ZPR1: variants seen among roughly 807,000 people sequenced by gnomAD.
The protein encoded by ZPR1 is zinc finger protein ZPR1.
Under a neutral mutation model 59.6 loss-of-function variants are expected in ZPR1, and 37 were observed. The observed-to-expected ratio is 0.62, with a 90% CI of 0.48 to 0.82. The LOEUF (loss-of-function observed/expected upper bound fraction) is 0.82, where lower values mean the gene tolerates loss of function less well. Ranked by LOEUF, ZPR1 falls within the 40% of genes least tolerant of loss-of-function variation. The pLI is 0.00. For missense variants in ZPR1, 527 were observed against 579.9 expected, an observed-to-expected ratio of 0.91 and a Z score of 0.94; for synonymous variants, 191 against 215.2, an observed-to-expected ratio of 0.89 and a Z score of 0.99.
Position 116,782,200 on chromosome 11 carries a change from T to G in ZPR1, c.1137A>C (p.Gly379=). Residue 379 remains glycine, a synonymous_variant, in exon 12 of 14, where the codon GGA becomes GGC. Coordinates refer to ENST00000227322, the MANE Select transcript of ZPR1 (RefSeq NM_003904.5). ...TAAACTCCTGTAGTCTCTCCGTCTG[T>G]CCAGGATTGGAACTGTCGCCCAGTG... ...PFTLGDSSNP[G]QTERLQEFSQ... is the part of the protein sequence containing the mutation. The G allele has an allele frequency of 6.2e-7, 1 of 1,614,164 alleles. No homozygotes were observed. The highest frequency in any genetic ancestry group is 8.5e-7 in the Non-Finnish European group (1 of 1,180,034).
Position 116,787,073 on chromosome 11 carries a change from A to G in ZPR1, c.334-14T>C, listed in dbSNP as rs1940899160. 1.2e-6 allele frequency: 2 copies of G among 1,608,354 alleles called. No individual in the cohort carries two copies. The highest frequency in any genetic ancestry group is 8.5e-7 in the Non-Finnish European group (1 of 1,174,690). On this transcript the variant is annotated splice_polypyrimidine_tract_variant and intron_variant, in intron 2 of 13. Coordinates refer to ENST00000227322, the MANE Select transcript of ZPR1 (RefSeq NM_003904.5). ...TCTGTTCATGTCCTGGGAAGAAAAG[A>G]ATACGTTCAGTACAAAGAGACTGCA...
chr11:116,782,320 G>A, intron 11 of ZPR1, 76 bp from the exon 12 acceptor site: 1 of 1,263,982 alleles, frequency 7.9e-7, no homozygotes, highest in African/African-American at 1.5e-5. Flanking sequence ...CTAGGCAGGG[G>A]GTGACAGTGG....
chr11:116,785,624 G>A lies in ZPR1; in HGVS notation c.595C>T (p.Pro199Ser). 6.2e-7 allele frequency: 1 copy of A among 1,614,028 alleles called. No homozygotes were observed. Among genetic ancestry groups the A allele is most frequent in the Non-Finnish European group, 8.5e-7 (1 of 1,180,034 alleles). The change falls in exon 6 of 14, where the codon CCC (proline) becomes TCC (serine). Residue 199 changes from proline to serine, a missense_variant. Transcript: ENST00000227322. Reference protein sequence around the residue: ...ASPFTLIIDDPSGNSFVENPH... With the variant: ...ASPFTLIIDDSSGNSFVENPH... The stretch of plus-strand genomic sequence containing the variant: ...TTTTCCACAAAACTGTTCCCTGAGG[G>A]ATCATCAATGATCTAACAAATGGGA...
chr11:116,779,667 G>T (rs1940774706), intron 13 of ZPR1, 105 bp downstream of exon 13: 1 of 823,542 alleles, frequency 1.2e-6, no homozygotes, highest in Non-Finnish European at 1.9e-6. Context: ...TTGGTAAAAA[G>T]CAGTCCATTT....
At chr11:116,787,785 C>T (rs1467019265) in intron 1 of ZPR1, 35 bp downstream of exon 1, 1 of 1,532,676 alleles carries the variant, frequency 6.5e-7, no homozygotes, top group Admixed American at 2.0e-5. Flanking sequence ...ACAAGCCCTA[C>T]CCACCCGCCG....
intron 13 of ZPR1, 35 bp downstream of exon 13, chr11:116,779,737 T>C: frequency 2.0e-6 from 3 of 1,471,768 alleles, no homozygotes; most frequent in Non-Finnish European, 2.8e-6. Context: ...TCAGAAAATG[T>C]ATCTCTATGA....
In ZPR1 at chr11:116,787,805, G is replaced by A; in HGVS notation, c.171+15C>T. On this transcript the variant is annotated intron_variant, in intron 1 of 13. Transcript: ENST00000227322. ...CCCTACCCACCCGCCGCTCGCGGCC[G>A]CGCCCCCGCCTCACATTGCAGTAAC... The A allele has an allele frequency of 3.2e-6, 5 of 1,545,006 alleles. No homozygotes were observed. The highest frequency in any genetic ancestry group is 4.4e-6 in the Non-Finnish European group (5 of 1,145,392).
intron 4 of ZPR1, 93 bp from the exon 5 acceptor site, chr11:116,785,975 C>A: frequency 9.3e-7 from 1 of 1,073,852 alleles, no homozygotes; most frequent in Middle Eastern, 2.0e-4. Flanking sequence ...AGGAAGTCAC[C>A]ACCTATCTCA....
At chr11:116,782,874 G>A (rs1461607751) in intron 11 of ZPR1, 45 bp downstream of exon 11, 1 of 1,506,332 alleles carries the variant, frequency 6.6e-7, no homozygotes, top group East Asian at 2.3e-5. Flanking sequence ...TCTTCACACA[G>A]CCAAATTGCT....
chr11:116,787,919 CG>C lies in ZPR1; in HGVS notation c.71del (p.Pro24ArgfsTer29), dbSNP rs1284711134. ...GGAACAGGTGATCAGGGGCAGGCGG[CG>C]GGGCCGGGGCGGGCGACGGGGCGAC... is the stretch of plus-strand genomic sequence containing the variant. ...AAVAPSPAPA[P>X]PPAPDHLFRP... On this transcript the variant is annotated frameshift_variant, in exon 1 of 14. Coordinates refer to ENST00000227322, the MANE Select transcript of ZPR1 (RefSeq NM_003904.5). LOFTEE classifies it high-confidence loss of function. The C allele has an allele frequency of 6.0e-6, 9 of 1,499,256 alleles. No individual in the cohort carries two copies. The highest frequency in any genetic ancestry group is 7.1e-6 in the Non-Finnish European group (8 of 1,130,962). 92.9% of individuals were successfully genotyped at this position (1,499,256 alleles called of 1,614,324 possible). A position where few individuals can be genotyped will look rare whatever the true frequency, so the allele number is the denominator to read the frequency against.
rs970999579 is a variant in ZPR1 at position 116,785,999 on chromosome 11, C to G, written c.496-117G>C. 3 of 860,654 alleles carry G rather than the reference C, an allele frequency of 3.5e-6. No homozygotes were observed. In the African/African-American group the frequency reaches 4.9e-5, roughly 14 times the overall value. The allele number at this position is 860,654 out of a possible 1,614,324, so 53.3% of individuals were successfully genotyped here. A position where few individuals can be genotyped will look rare whatever the true frequency, so the allele number is the denominator to read the frequency against. Reference sequence around the variant, plus strand: ...CCACCTATCTCAGTGTGAGTGGAAACAGAGTGACTCAGGCTTCACAATGAG... The same window carrying G: ...CCACCTATCTCAGTGTGAGTGGAAAGAGAGTGACTCAGGCTTCACAATGAG... On this transcript the variant is annotated intron_variant, in intron 4 of 13. Transcript: ENST00000227322.
At chr11:116,787,267 G>T in intron 2 of ZPR1, 3 of 663,058 alleles carry the variant, frequency 4.5e-6, no homozygotes, top group Middle Eastern at 2.8e-4. Flanking sequence ...AACAACTACT[G>T]CTCATTTCAT....
chr11:116,785,448 G>A, intron 6 of ZPR1, 66 bp downstream of exon 6: 1 of 1,585,470 alleles, frequency 6.3e-7, no homozygotes, highest in Non-Finnish European at 8.6e-7. Flanking sequence ...AAGTTCCACT[G>A]ACTCCAAGCA....
At chr11:116,781,250 A>G (rs777997019) in intron 12 of ZPR1, among the ~76,000 whole-genome samples, 2 of 152,200 alleles carry the variant, frequency 1.3e-5, no homozygotes, top group Non-Finnish European at 2.9e-5. Flanking sequence ...CTTCAATAGA[A>G]TAATTCATGA....
intron 10 of ZPR1, 105 bp from the exon 11 acceptor site, chr11:116,783,134 C>T (rs1317575304): frequency 5.1e-6 from 4 of 792,000 alleles, no homozygotes; most frequent in East Asian, 2.6e-5. Flanking sequence ...CGGACAAGGG[C>T]AGCTGTCTCA....
rs1255873534 is a variant in ZPR1 at position 116,787,477 on chromosome 11, C to G, written c.333+5G>C. Reference sequence around the variant, plus strand: ...ACTGAGGTACCTGCTCTGAGGTCCTCTCACCTCCAGAGCCCTGACAGACAA... The same window carrying G: ...ACTGAGGTACCTGCTCTGAGGTCCTGTCACCTCCAGAGCCCTGACAGACAA... On this transcript the variant is annotated splice_donor_5th_base_variant and intron_variant, in intron 2 of 13. Transcript: ENST00000227322. 1 of 1,612,838 alleles carries G rather than the reference C, an allele frequency of 6.2e-7. No homozygotes were observed. The highest frequency in any genetic ancestry group is 2.2e-5 in the East Asian group (1 of 44,838).
rs1457758352 is a variant in ZPR1, at chr11:116,774,637, G to C, written c.*4288C>G. On this transcript the variant is annotated 3_prime_UTR_variant, in exon 14 of 14. Coordinates refer to ENST00000227322, the MANE Select transcript of ZPR1 (RefSeq NM_003904.5). The stretch of plus-strand genomic sequence containing the variant: ...AGTGGGCCATGTTGAGGGGGTTGCA[G>C]CACAGGCCCAGAAAGGAAAGCAGGC... The C allele has an allele frequency of 6.6e-6, 1 of 152,274 alleles. No homozygotes were observed. Among genetic ancestry groups the C allele is most frequent in the Non-Finnish European group, 1.5e-5 (1 of 68,104 alleles). The allele number at this position is 152,274 out of a possible 1,614,324, so 9.4% of individuals were successfully genotyped here. A position where few individuals can be genotyped will look rare whatever the true frequency, so the allele number is the denominator to read the frequency against.
intron 10 of ZPR1, among the ~76,000 whole-genome samples, chr11:116,783,272 G>T (rs556268464): frequency 6.6e-6 from 1 of 152,284 alleles, no homozygotes; most frequent in South Asian, 2.1e-4. Flanking sequence ...GTCACTAGGG[G>T]ACAGACAGAG....
chr11:116,779,135 T>C (rs1432202947), intron 13 of ZPR1, 76 bp from the exon 14 acceptor site: 1 of 1,573,824 alleles, frequency 6.4e-7, no homozygotes. Context: ...ATTCCCACCT[T>C]CCCAAGAACA....
Sources: gnomAD v4.1 joint callset for allele counts (sites outside exome capture counted in the v4.1 genomes callset) on GRCh38, gnomAD v4.1.1 for gene constraint, MANE v1.5 for transcripts, NCBI Gene and HGNC (gene_info 2026-07-23, HGNC 2026-07-21) for gene names.